Variants in BRAF observed in about 807,000 individuals in gnomAD.
BRAF encodes the protein serine/threonine-protein kinase B-raf.
Under a neutral mutation model 104.6 loss-of-function variants are expected in BRAF, and 16 were observed. The ratio of observed to expected loss-of-function variants is 0.15; its 90% CI spans 0.10 to 0.23. The LOEUF is 0.23. Ranked by LOEUF, BRAF falls within the 10% of genes least tolerant of loss-of-function variation. BRAF has a pLI of 1.00. For missense variants in BRAF, 541 were observed against 937.3 expected, an observed-to-expected ratio of 0.58 and a Z score of 5.52; for synonymous variants, 310 against 341.6, an observed-to-expected ratio of 0.91 and a Z score of 1.02.
At chr7:140,800,506 T>C in intron 6 of BRAF, 25 bp from the exon 7 acceptor site, 1 of 1,613,984 alleles carries the variant, frequency 6.2e-7, no homozygotes, top group Non-Finnish European at 8.5e-7. Flanking sequence ...AAAACAAACC[T>C]AACTTGTGCA....
intron 19 of BRAF, chr7:140,731,162 T>TGC (rs1795930554): frequency 6.6e-6 from 1 of 152,184 alleles, no homozygotes; most frequent in Admixed American, 6.5e-5. Flanking sequence ...GCTACAGTTG[T>TGC]GCACCACTAT....
At chr7:140,762,761 G>T (rs577092706) in intron 14 of BRAF, among the ~76,000 whole-genome samples, 224 of 152,214 alleles carry the variant, frequency 1.5e-3, no homozygotes, top group African/African-American at 5.1e-3. Context: ...GCGGCCTTCC[G>T]CAGTGTTTGT....
Position 140,851,814 on chromosome 7 carries a change from A to G in BRAF, c.139-1602T>C, listed in dbSNP as rs767689464. 5.2e-4 allele frequency among the ~76,000 whole-genome samples: 79 copies of G among 152,336 alleles called. 1 individual carries two copies. Among genetic ancestry groups the G allele is most frequent in the Middle Eastern group, 6.8e-3 (2 of 294 alleles). ...TCATGTTTTAATTTGTATTTCTTAC[A>G]AAGTTGAGCACTTTTTATGCTTACT... On this transcript the variant is annotated intron_variant, in intron 1 of 19. Coordinates refer to ENST00000644969, the MANE Select transcript of BRAF (RefSeq NM_001374258.1).
chr7:140,725,812 G>C lies in BRAF; in HGVS notation c.*682C>G. On this transcript the variant is annotated 3_prime_UTR_variant, in exon 20 of 20. Coordinates refer to ENST00000644969, the MANE Select transcript of BRAF (RefSeq NM_001374258.1). ...TTAGACAGACCCCTCAGTGAGCAAG[G>C]AAACAAAAGGCCAGAGACCCCGGAG... 6.6e-6 allele frequency: 7 copies of C among 1,063,298 alleles called. No individual in the cohort carries two copies. Among genetic ancestry groups the C allele is most frequent in the Non-Finnish European group, 8.0e-6 (7 of 878,132 alleles). The allele number at this position is 1,063,298 out of a possible 1,614,324, so 65.9% of individuals were successfully genotyped here.
rs966159122 is a variant in BRAF, at chr7:140,719,920, C to G, written c.*6574G>C. 2 of 1,062,230 alleles carry G rather than the reference C, an allele frequency of 1.9e-6. No individual in the cohort carries two copies. The highest frequency in any genetic ancestry group is 3.3e-5 in the African/African-American group (2 of 60,850). 65.8% of individuals were successfully genotyped at this position (1,062,230 alleles called of 1,614,324 possible). A position where few individuals can be genotyped will look rare whatever the true frequency, so the allele number is the denominator to read the frequency against. ...AGAAAAGAGGAATGTGTGTGTGAGT[C>G]GCCATAAGGTTTGGAGTGGTGAAAC... On this transcript the variant is annotated 3_prime_UTR_variant, in exon 20 of 20. Coordinates refer to ENST00000644969, the MANE Select transcript of BRAF (RefSeq NM_001374258.1).
In BRAF at chr7:140,759,968, A is replaced by G. The variant is rs902041675; in HGVS notation, c.1815-5735T>C. Among the ~76,000 whole-genome samples, 3 of 152,216 alleles carry G rather than the reference A, an allele frequency of 2.0e-5. No individual in the cohort carries two copies. The East Asian group carries it at 5.8e-4, about 29-fold the overall frequency. The stretch of plus-strand genomic sequence containing the variant: ...CATTCTGAGCAGCAAGAAACTAAGA[A>G]CACAATTAAACAAGGGATTAAGAAC... On this transcript the variant is annotated intron_variant, in intron 14 of 19. Coordinates refer to ENST00000644969, the MANE Select transcript of BRAF (RefSeq NM_001374258.1).
At chr7:140,714,931 C>T (rs1795104100), downstream of BRAF, among the ~76,000 whole-genome samples, 1 of 152,048 alleles carries the variant, frequency 6.6e-6, no homozygotes, top group South Asian at 2.1e-4. Flanking sequence ...GAAGAGTGTT[C>T]TGGGAGTAAG....
intron 1 of BRAF, among the ~76,000 whole-genome samples, chr7:140,908,810 T>C (rs369060452): frequency 1.3e-5 from 2 of 150,990 alleles, no homozygotes; most frequent in South Asian, 4.3e-4. Flanking sequence ...TAGGACTTGA[T>C]TTCTGTCCTC....
intron 1 of BRAF, among the ~76,000 whole-genome samples, chr7:140,888,633 C>T (rs991123217): frequency 2.0e-5 from 3 of 152,014 alleles, no homozygotes; most frequent in Admixed American, 6.5e-5. Context: ...GTTGGGAGTT[C>T]GAGACCAGCC....
chr7:140,795,746 T>G (rs1802431007), intron 7 of BRAF, among the ~76,000 whole-genome samples: 1 of 152,134 alleles, frequency 6.6e-6, no homozygotes, highest in Admixed American at 6.5e-5. Flanking sequence ...TGAATCCACT[T>G]AGAATTGATA....
chr7:140,916,402 T>C (rs1015887118), intron 1 of BRAF, among the ~76,000 whole-genome samples: 2 of 152,176 alleles, frequency 1.3e-5, no homozygotes, highest in Admixed American at 6.5e-5. Flanking sequence ...ATAAAGATAC[T>C]AACTCTGAAA....
rs374097521 is a variant in BRAF, at chr7:140,899,196, A to G, written c.138+25370T>C. 7.8e-4 allele frequency among the ~76,000 whole-genome samples: 115 copies of G among 146,998 alleles called. No individual in the cohort carries two copies. The East Asian group carries it at 0.017, about 22-fold the overall frequency. On this transcript the variant is annotated intron_variant, in intron 1 of 19. Coordinates refer to ENST00000644969, the MANE Select transcript of BRAF (RefSeq NM_001374258.1). ...TATGATTCCTGGACAAGCAGCACCA[A>G]CATCCCACCCCCCCACCCCTCAGCC... is the stretch of plus-strand genomic sequence containing the variant.
At chr7:140,743,170 CCT>C (rs1335281595) in intron 17 of BRAF, among the ~76,000 whole-genome samples, 1 of 151,078 alleles carries the variant, frequency 6.6e-6, no homozygotes, top group African/African-American at 2.4e-5. Context: ...TGTGGCGATT[CCT>C]CAGGGATCTA....
At chr7:140,900,888 G>A (rs1164933463) in intron 1 of BRAF, among the ~76,000 whole-genome samples, 1 of 152,202 alleles carries the variant, frequency 6.6e-6, no homozygotes, top group Admixed American at 6.5e-5. Context: ...TGAGATTACA[G>A]CCATGAGCCA....
intron 17 of BRAF, 142 bp downstream of exon 16, chr7:140,749,145 T>A (rs909891420): frequency 1.4e-5 from 16 of 1,120,238 alleles, no homozygotes; most frequent in Admixed American, 2.1e-5. Flanking sequence ...CTGCCAAAAG[T>A]ATACAAACGA....
At chr7:140,859,934 G>A (rs981368834) in intron 1 of BRAF, among the ~76,000 whole-genome samples, 6 of 152,102 alleles carry the variant, frequency 3.9e-5, no homozygotes, top group African/African-American at 1.4e-4. Flanking sequence ...TGATCCGTCC[G>A]CTTCAGCCTC....
Position 140,783,036 on chromosome 7 carries a change from T to G in BRAF, c.1419A>C (p.Glu473Asp), listed in dbSNP as rs575016745. 6.2e-7 allele frequency: 1 copy of G among 1,613,888 alleles called. No individual in the cohort carries two copies. Among genetic ancestry groups the G allele is most frequent in the South Asian group, 1.1e-5 (1 of 91,070 alleles). ...QRERKSSSSS[E>D]DRNRMKTLGR... The stretch of plus-strand genomic sequence containing the variant: ...ATACTCTTACCATTCGATTCCTGTC[T>G]TCTGAGGATGAAGATGACTTCCTTT... Residue 473 changes from glutamate (E) to aspartate (D), a missense_variant, in exon 11 of 20, where the codon GAA (glutamate) becomes GAC (aspartate). Coordinates refer to ENST00000644969, the MANE Select transcript of BRAF (RefSeq NM_001374258.1).
chr7:140,762,838 G>A (rs2129007143), intron 14 of BRAF, among the ~76,000 whole-genome samples: 1 of 152,298 alleles, frequency 6.6e-6, no homozygotes, highest in South Asian at 2.1e-4. Flanking sequence ...TCAAGCATCT[G>A]TTTAACAAAG....
At chr7:140,755,957 A>C (rs867602172) in intron 14 of BRAF, among the ~76,000 whole-genome samples, 1 of 152,240 alleles carries the variant, frequency 6.6e-6, no homozygotes, top group Middle Eastern at 3.4e-3. Flanking sequence ...ACCATATCAA[A>C]ATACAGAGGC....
Sources: gnomAD v4.1 joint callset for allele counts (sites outside exome capture counted in the v4.1 genomes callset) on GRCh38, gnomAD v4.1.1 for gene constraint, MANE v1.5 for transcripts, NCBI Gene and HGNC (gene_info 2026-07-23, HGNC 2026-07-21) for gene names.